The following PYGL variants were observed in gnomAD, a reference collection of about 807,000 sequenced individuals.
The protein encoded by PYGL is glycogen phosphorylase, liver form.
In PYGL, 90 loss-of-function variants were observed where a neutral mutation model predicts 100.1. The ratio of observed to expected loss-of-function variants is 0.90; its 90% CI spans 0.76 to 1.07. The LOEUF is 1.07. Among genes scored for constraint, PYGL ranks in the 50% least tolerant of loss-of-function variants. The pLI is 0.00. For synonymous variants in PYGL, 373 were observed against 393.0 expected (o/e 0.95, Z 0.60); for missense variants, 1,016 against 1,057.6 (o/e 0.96, Z 0.55).
chr14:50,943,757 G>C (rs920833608), intron 1 of PYGL, among the ~76,000 whole-genome samples: 1 of 152,228 alleles, frequency 6.6e-6, no homozygotes, highest in Non-Finnish European at 1.5e-5. Context: ...GTTTAGGGCT[G>C]AGTGTCCAGG....
At chr14:50,910,671 G>GA (rs2050386410) in intron 16 of PYGL, among the ~76,000 whole-genome samples, 1 of 152,158 alleles carries the variant, frequency 6.6e-6, no homozygotes, top group South Asian at 2.1e-4. Context: ...TGCCCAGGCT[G>GA]AACTTCTCTC....
chr14:50,941,606 C>A (rs957001001), intron 1 of PYGL, among the ~76,000 whole-genome samples: 1 of 152,212 alleles, frequency 6.6e-6, no homozygotes, highest in East Asian at 1.9e-4. Context: ...AGAGGCCAGT[C>A]GTGGTGGCTC....
At position 50,915,350 on chromosome 14, in the gene PYGL, G is replaced by C. The variant is rs199688614; in HGVS notation, c.1389C>G (p.Ile463Met). ...VNGVAKIHSD[I>M]VKTKVFKDFS... ...TGGAGGCTCACACTTTAGTCTTCAC[G>C]ATGTCTGAGTGGATTTTAGCCACGC... is the stretch of plus-strand genomic sequence containing the variant. The change falls in exon 11 of 20, where the codon ATC becomes ATG. Residue 463 changes from isoleucine to methionine, a missense_variant. Physicochemically the swap from Ile to Met is conservative, Grantham distance 10. Transcript: ENST00000216392. 6.2e-7 allele frequency: 1 copy of C among 1,614,124 alleles called. No homozygotes were observed. Among genetic ancestry groups the C allele is most frequent in the Non-Finnish European group, 8.5e-7 (1 of 1,180,008 alleles).
chr14:50,919,947 GT>G (rs1424096891), intron 7 of PYGL, among the ~76,000 whole-genome samples: 3 of 150,938 alleles, frequency 2.0e-5, no homozygotes, highest in Non-Finnish European at 4.4e-5. Flanking sequence ...GACTCCCAAA[GT>G]GCTGGGATTA....
intron 4 of PYGL, among the ~76,000 whole-genome samples, chr14:50,924,358 G>A (rs1183956165): frequency 6.6e-6 from 1 of 152,152 alleles, no homozygotes; most frequent in African/African-American, 2.4e-5. Flanking sequence ...ATAGTAAACG[G>A]TAGAGATAAG....
At chr14:50,939,799 G>A (rs759021171) in intron 1 of PYGL, among the ~76,000 whole-genome samples, 5 of 152,138 alleles carry the variant, frequency 3.3e-5, no homozygotes, top group Non-Finnish European at 7.4e-5. Flanking sequence ...AAAAAAAATT[G>A]TGAGTAGAAT....
At chr14:50,941,357 T>C (rs935453306) in intron 1 of PYGL, among the ~76,000 whole-genome samples, 3 of 152,206 alleles carry the variant, frequency 2.0e-5, no homozygotes, top group East Asian at 3.8e-4. Flanking sequence ...GCTATCCTTA[T>C]TCAGCCTCAG....
intron 3 of PYGL, among the ~76,000 whole-genome samples, chr14:50,933,640 T>C (rs2050623378): frequency 6.6e-6 from 1 of 152,202 alleles, no homozygotes; most frequent in Non-Finnish European, 1.5e-5. Context: ...AGCATCCCCT[T>C]TGATCGCTAT....
chr14:50,911,861 C>T lies in PYGL; in HGVS notation c.1838G>A (p.Gly613Glu), dbSNP rs773030482. The change falls in exon 16 of 20, where the codon GGA becomes GAA. Residue 613 changes from glycine (G) to glutamate (E), a missense_variant. Coordinates refer to ENST00000216392, the MANE Select transcript of PYGL (RefSeq NM_002863.5). ...TVIIGGKAAP[G>E]YHMAKMIIKL... is the part of the protein sequence containing the mutation. ...TATGATCATTTTGGCCATGTGATAT[C>T]CTGGGGCAGCCTTTGGGGAAGAAGG... The T allele has an allele frequency of 6.3e-7, 1 of 1,578,280 alleles. No individual in the cohort carries two copies. Among genetic ancestry groups the T allele is most frequent in the East Asian group, 2.3e-5 (1 of 42,850 alleles).
intron 2 of PYGL, among the ~76,000 whole-genome samples, chr14:50,936,445 C>T (rs1379545302): frequency 1.3e-5 from 2 of 152,144 alleles, no homozygotes; most frequent in African/African-American, 2.4e-5. Flanking sequence ...TTAGAGCTTA[C>T]TAGGTTCCTG....
At position 50,914,776 on chromosome 14, in the gene PYGL, C is replaced by T; in HGVS notation, c.1443G>A (p.Gln481=). The T allele has an allele frequency of 6.2e-7, 1 of 1,614,028 alleles. No homozygotes were observed. Among genetic ancestry groups the T allele is most frequent in the East Asian group, 2.2e-5 (1 of 44,890 alleles). The stretch of plus-strand genomic sequence containing the variant: ...TTGGAGTGATCCCATTGGTTTTATT[C>T]TGAAACTTGTCAGGTTCTAGCTCAC... ...DFSELEPDKF[Q]NKTNGITPRR... is the part of the protein sequence containing the mutation. The change falls in exon 12 of 20, where the codon CAG becomes CAA. Residue 481 remains glutamine, a synonymous_variant. Transcript: ENST00000216392.
chr14:50,918,311 A>T (rs1193303073), intron 7 of PYGL, among the ~76,000 whole-genome samples: 1 of 152,224 alleles, frequency 6.6e-6, no homozygotes, highest in Non-Finnish European at 1.5e-5. Flanking sequence ...CTACCATTTG[A>T]TCCAGCAATC....
chr14:50,927,062 T>C (rs899926990), intron 4 of PYGL, among the ~76,000 whole-genome samples: 1 of 152,112 alleles, frequency 6.6e-6, no homozygotes, highest in African/African-American at 2.4e-5. Flanking sequence ...ATGGGAGAAC[T>C]GATGACATAT....
In PYGL at chr14:50,905,690, T is replaced by C. The variant is rs148199718; in HGVS notation, c.2380-134A>G. 745 of 894,784 alleles carry C rather than the reference T, an allele frequency of 8.3e-4. 1 individual carries two copies. In the African/African-American group the frequency reaches 0.01, roughly 13 times the overall value. 55.4% of individuals were successfully genotyped at this position (894,784 alleles called of 1,614,324 possible). On this transcript the variant is annotated intron_variant, in intron 19 of 19. Coordinates refer to ENST00000216392, the MANE Select transcript of PYGL (RefSeq NM_002863.5). ...AATAAATTATAGTAAATTACAAATA[T>C]TCTTGTTTGTCTGTTGAGAGGTAGA...
At chr14:50,917,611 C>A (rs570795162) in intron 7 of PYGL, among the ~76,000 whole-genome samples, 2 of 152,342 alleles carry the variant, frequency 1.3e-5, no homozygotes, top group African/African-American at 4.8e-5. Context: ...AGCACATGAC[C>A]GCCCTCCTGC....
rs1229847029 is a variant in PYGL at position 50,922,433 on chromosome 14, GTC to G, written c.661-1368_661-1367del. ...AAATATCTTTCATTAAGAGATAAAA[GTC>G]TCTGGACTTTTAAAGCAAGTTGTAA... On this transcript the variant is annotated intron_variant, in intron 5 of 19. Transcript: ENST00000216392. Among the ~76,000 whole-genome samples the G allele has an allele frequency of 2.6e-5, 4 of 152,120 alleles. No individual in the cohort carries two copies. The East Asian group carries it at 5.8e-4, about 22-fold the overall frequency.
chr14:50,915,928 G>A lies in PYGL; in HGVS notation c.1136C>T (p.Thr379Ile), dbSNP rs1255746947. ...TQKTFAYTNH[T>I]VLPEALERWP... Reference sequence around the variant, plus strand: ...GCGCTCCAGGGCTTCCGGGAGCACTGTGTGGTTGGTGTAGGCGAAGGTCTT... The same window carrying A: ...GCGCTCCAGGGCTTCCGGGAGCACTATGTGGTTGGTGTAGGCGAAGGTCTT... Residue 379 changes from threonine to isoleucine, a missense_variant, in exon 10 of 20, where the codon ACA (threonine) becomes ATA (isoleucine). Physicochemically the swap from Thr to Ile is moderately conservative, Grantham distance 89. Coordinates refer to ENST00000216392, the MANE Select transcript of PYGL (RefSeq NM_002863.5). 1.2e-6 allele frequency: 2 copies of A among 1,614,146 alleles called. No homozygotes were observed. Among genetic ancestry groups the A allele is most frequent in the African/African-American group, 1.3e-5 (1 of 74,950 alleles).
chr14:50,910,229 CA>C (rs200146977), intron 16 of PYGL, 127 bp from the exon 17 acceptor site: 11,115 of 1,007,924 alleles, frequency 0.011, 91 homozygotes, highest in Non-Finnish European at 0.014. Flanking sequence ...GATAAACATT[CA>C]AATGGTCTAG....
intron 3 of PYGL, among the ~76,000 whole-genome samples, chr14:50,934,207 C>T (rs2050631297): frequency 6.6e-6 from 1 of 152,056 alleles, no homozygotes; most frequent in South Asian, 2.1e-4. Context: ...TATCCACACA[C>T]AAAAAGGACA....
Sources: allele counts gnomAD v4.1 joint callset (sites outside exome capture counted in the v4.1 genomes callset), GRCh38; gene constraint gnomAD v4.1.1; transcripts MANE v1.5; gene names NCBI Gene and HGNC (gene_info 2026-07-23, HGNC 2026-07-21).